The following NCAM2 variants were observed in gnomAD, a reference collection of about 807,000 sequenced individuals.
NCAM2 encodes the protein neural cell adhesion molecule 2, also known as N-CAM-2.
NCAM2 carries 30 observed loss-of-function variants against 98.1 expected under a neutral mutation model. That is an observed-to-expected ratio of 0.31 (90% CI 0.23 to 0.41). The LOEUF is 0.41. NCAM2 is among the 10% of genes least tolerant of loss of function. The pLI is 1.00. For synonymous variants in NCAM2, 368 were observed against 342.4 expected (o/e 1.07, Z -0.83); for missense variants, 867 against 1,005.8 (o/e 0.86, Z 1.87).
intron 1 of NCAM2, among the ~76,000 whole-genome samples, chr21:21,138,439 C>T (rs868528243): frequency 8.1e-5 from 12 of 148,990 alleles, no homozygotes; most frequent in Middle Eastern, 3.4e-3. Flanking sequence ...TTACAGTAGT[C>T]GTAGTTCCCC....
At chr21:21,016,732 A>G (rs1346182478) in intron 1 of NCAM2, among the ~76,000 whole-genome samples, 1 of 152,128 alleles carries the variant, frequency 6.6e-6, no homozygotes, top group African/African-American at 2.4e-5. Flanking sequence ...ATCTGCTTAT[A>G]TATTATTATT....
At chr21:21,106,119 C>A (rs1316247104) in intron 1 of NCAM2, among the ~76,000 whole-genome samples, 1 of 151,886 alleles carries the variant, frequency 6.6e-6, no homozygotes, top group East Asian at 1.9e-4. Context: ...CCAGCCTGAG[C>A]AACAAAGCAA....
intron 1 of NCAM2, among the ~76,000 whole-genome samples, chr21:21,136,610 G>A (rs1294669588): frequency 6.7e-6 from 1 of 148,478 alleles, no homozygotes; most frequent in Non-Finnish European, 1.5e-5. Context: ...TATAGGTGCA[G>A]GCCACCACGC....
chr21:21,366,899 G>T (rs116378738), intron 8 of NCAM2, among the ~76,000 whole-genome samples: 3 of 151,756 alleles, frequency 2.0e-5, no homozygotes, highest in Non-Finnish European at 4.4e-5. Flanking sequence ...TTAAATTTTC[G>T]ATTTTAAAAT....
At chr21:21,534,774 C>T in intron 17 of NCAM2, 118 bp downstream of exon 17, 1 of 1,057,354 alleles carries the variant, frequency 9.5e-7, no homozygotes, top group African/African-American at 1.7e-5. Flanking sequence ...TGTGCTTTTA[C>T]TTTTTTGATG....
At chr21:21,088,229 T>C (rs1359900087) in intron 1 of NCAM2, among the ~76,000 whole-genome samples, 1 of 152,208 alleles carries the variant, frequency 6.6e-6, no homozygotes, top group Non-Finnish European at 1.5e-5. Flanking sequence ...AGGGCGAGCA[T>C]CATATCCTTT....
chr21:21,387,768 T>G (rs1165652683), intron 9 of NCAM2, among the ~76,000 whole-genome samples: 1 of 152,162 alleles, frequency 6.6e-6, no homozygotes, highest in Non-Finnish European at 1.5e-5. Flanking sequence ...AGGATTTTAG[T>G]GTATAGAATT....
intron 8 of NCAM2, among the ~76,000 whole-genome samples, chr21:21,340,011 A>G (rs954508615): frequency 2.0e-4 from 31 of 151,996 alleles, no homozygotes; most frequent in African/African-American, 7.5e-4. Flanking sequence ...TTGCTTTAGT[A>G]TATTCTTAAC....
intron 1 of NCAM2, among the ~76,000 whole-genome samples, chr21:21,059,434 A>G (rs1001646449): frequency 6.6e-6 from 1 of 152,010 alleles, no homozygotes; most frequent in Non-Finnish European, 1.5e-5. Flanking sequence ...TTAATATTTA[A>G]CTCTAGACTT....
chr21:21,094,705 G>C (rs1212624793), intron 1 of NCAM2, among the ~76,000 whole-genome samples: 3 of 151,646 alleles, frequency 2.0e-5, no homozygotes, highest in Non-Finnish European at 4.4e-5. Flanking sequence ...TATATTTACA[G>C]GGATAACTTT....
intron 2 of NCAM2, among the ~76,000 whole-genome samples, chr21:21,280,870 C>G (rs1051668758): frequency 1.7e-4 from 26 of 150,620 alleles, no homozygotes; most frequent in Non-Finnish European, 3.6e-4. Context: ...CAATCTCCCC[C>G]TCCTGGGTTC....
intron 15 of NCAM2, among the ~76,000 whole-genome samples, chr21:21,485,357 A>G (rs1986259464): frequency 2.0e-5 from 3 of 152,290 alleles, no homozygotes; most frequent in African/African-American, 7.2e-5. Context: ...TTGTTCTAAC[A>G]TAAGTAGTTA....
At chr21:21,222,113 A>T (rs1568791561) in intron 1 of NCAM2, among the ~76,000 whole-genome samples, 1 of 152,188 alleles carries the variant, frequency 6.6e-6, no homozygotes, top group Non-Finnish European at 1.5e-5. Flanking sequence ...TGATGTACTG[A>T]ATATTTTAAG....
chr21:21,077,617 G>T (rs1001455013), intron 1 of NCAM2, among the ~76,000 whole-genome samples: 1 of 151,952 alleles, frequency 6.6e-6, no homozygotes, highest in Non-Finnish European at 1.5e-5. Context: ...CTAAAGAGAA[G>T]TACAAAATAA....
intron 9 of NCAM2, among the ~76,000 whole-genome samples, chr21:21,401,259 A>G (rs895067077): frequency 6.7e-6 from 1 of 149,884 alleles, no homozygotes; most frequent in African/African-American, 2.5e-5. Context: ...ATTTTCATAT[A>G]TGTCTAACAG....
chr21:21,231,613 T>A (rs1382763243), intron 1 of NCAM2, among the ~76,000 whole-genome samples: 2 of 151,178 alleles, frequency 1.3e-5, no homozygotes, highest in Admixed American at 1.3e-4. Flanking sequence ...TATAGGAGAG[T>A]TTATTTAATA....
At chr21:21,139,681 A>G (rs1325571072) in intron 1 of NCAM2, among the ~76,000 whole-genome samples, 4 of 152,188 alleles carry the variant, frequency 2.6e-5, no homozygotes, top group Non-Finnish European at 4.4e-5. Flanking sequence ...GGAAGATTAA[A>G]TTGTTTGAAA....
intron 12 of NCAM2, among the ~76,000 whole-genome samples, chr21:21,436,317 G>C (rs1334699645): frequency 1.3e-5 from 2 of 152,118 alleles, no homozygotes; most frequent in Non-Finnish European, 2.9e-5. Context: ...CCATCTGACT[G>C]ACTTAGGTCC....
At chr21:21,162,614 A>G (rs2067819265) in intron 1 of NCAM2, among the ~76,000 whole-genome samples, 1 of 152,134 alleles carries the variant, frequency 6.6e-6, no homozygotes, top group African/African-American at 2.4e-5. Context: ...TTGTCTCCAC[A>G]CATTTAGTGA....
Sources: allele counts gnomAD v4.1 joint callset (sites outside exome capture counted in the v4.1 genomes callset), GRCh38; gene constraint gnomAD v4.1.1; transcripts MANE v1.5; gene names NCBI Gene and HGNC (gene_info 2026-07-23, HGNC 2026-07-21).